Variants in KDM5A observed in about 807,000 individuals in gnomAD.
The protein encoded by KDM5A is lysine-specific demethylase 5A.
Under a neutral mutation model 193.5 loss-of-function variants are expected in KDM5A, and 42 were observed. That is an observed-to-expected ratio of 0.22 (90% CI 0.17 to 0.28). The LOEUF (loss-of-function observed/expected upper bound fraction) is 0.28, where lower values mean the gene tolerates loss of function less well. KDM5A is among the 10% of genes least tolerant of loss of function. The probability of loss-of-function intolerance (pLI) is 1.00; values close to 1 mark genes in which losing one functional copy is unlikely to be tolerated. For synonymous variants in KDM5A, 796 were observed against 718.1 expected, an observed-to-expected ratio of 1.11 and a Z score of -1.73; for missense variants, 1,692 against 2,055.1, an observed-to-expected ratio of 0.82 and a Z score of 3.42.
chr12:295,692 C>G lies in KDM5A; in HGVS notation c.4336G>C (p.Glu1446Gln), dbSNP rs112579803. 2,009 of 1,614,120 alleles carry G rather than the reference C, an allele frequency of 1.2e-3. 28 individuals carry two copies. In the African/African-American group the frequency reaches 0.024, roughly 20 times the overall value. Residue 1446 changes from glutamate to glutamine, a missense_variant, in exon 26 of 28, where the codon GAA (glutamate) becomes CAA (glutamine). Physicochemically the swap from Glu to Gln is conservative, Grantham distance 29. Coordinates refer to ENST00000399788, the MANE Select transcript of KDM5A (RefSeq NM_001042603.3). Reference sequence around the variant, plus strand: ...AGATCTCCAACCATCATAAGTTCTTCCAGTTGTGCCTTAGCTCCAGGTGAC... The same window carrying G: ...AGATCTCCAACCATCATAAGTTCTTGCAGTTGTGCCTTAGCTCCAGGTGAC... ...ELSPGAKAQL[E>Q]ELMMVGDLLE...
intron 20 of KDM5A, among the ~76,000 whole-genome samples, chr12:312,807 G>A (rs1445809096): frequency 1.3e-5 from 2 of 152,118 alleles, no homozygotes; most frequent in African/African-American, 2.4e-5. Context: ...GCTGCTGCCC[G>A]GCATTGTGAG....
At chr12:347,837 C>A (rs1190283264) in intron 10 of KDM5A, among the ~76,000 whole-genome samples, 3 of 152,162 alleles carry the variant, frequency 2.0e-5, no homozygotes, top group Admixed American at 2.0e-4. Context: ...CAATACCATT[C>A]AGGACACAGG....
rs777173287 is a variant in KDM5A, at chr12:318,297, C to T, written c.2706G>A (p.Arg902=). The stretch of plus-strand genomic sequence containing the variant: ...AGGTCAGTCTTACTTCGTCCAACCA[C>T]CGAGCCTGTTGTAGCTCTTGCTTCA... The part of the protein sequence containing the change: ...PRLKQELQQA[R]WLDEVRLTLS... Residue 902 remains arginine, a synonymous_variant, in exon 19 of 28, where the codon CGG becomes CGA. Coordinates refer to ENST00000399788, the MANE Select transcript of KDM5A (RefSeq NM_001042603.3). The T allele has an allele frequency of 2.5e-6, 4 of 1,614,196 alleles. No homozygotes were observed. In the South Asian group the frequency reaches 4.4e-5, roughly 18 times the overall value.
intron 13 of KDM5A, among the ~76,000 whole-genome samples, chr12:329,435 A>G (rs1467533808): frequency 1.3e-5 from 2 of 152,070 alleles, no homozygotes; most frequent in Non-Finnish European, 2.9e-5. Flanking sequence ...GTTAAGTGGA[A>G]GTATTCAGCA....
intron 5 of KDM5A, 113 bp from the exon 6 acceptor site, chr12:356,650 TTTC>T (rs767542131): frequency 5.6e-5 from 41 of 733,486 alleles, no homozygotes; most frequent in Middle Eastern, 2.4e-4. Context: ...AATTATTGGA[TTTC>T]TTTTCTGTAA....
At chr12:388,513 C>G (rs959941311) in intron 1 of KDM5A, 1 of 360,490 alleles carries the variant, frequency 2.8e-6, no homozygotes, top group African/African-American at 2.1e-5. Flanking sequence ...TTTTCAGAAA[C>G]CCTAGCCCTG....
intron 22 of KDM5A, among the ~76,000 whole-genome samples, chr12:308,885 T>G (rs16929365): frequency 0.017 from 2,648 of 152,284 alleles, 76 homozygotes; most frequent in African/African-American, 0.06. Context: ...CTTAACACAT[T>G]CCTCCTATCC....
intron 17 of KDM5A, among the ~76,000 whole-genome samples, chr12:322,088 G>C (rs1943724275): frequency 6.6e-6 from 1 of 152,140 alleles, no homozygotes; most frequent in African/African-American, 2.4e-5. Flanking sequence ...AGTGACATTT[G>C]AAAACAAAGG....
intron 3 of KDM5A, among the ~76,000 whole-genome samples, chr12:381,701 T>C (rs1327300243): frequency 6.6e-6 from 1 of 152,140 alleles, no homozygotes; most frequent in Non-Finnish European, 1.5e-5. Flanking sequence ...TTAAAAAAAG[T>C]CTCAAGCTGT....
At chr12:375,903 C>T (rs761968752) in intron 3 of KDM5A, among the ~76,000 whole-genome samples, 6 of 152,174 alleles carry the variant, frequency 3.9e-5, no homozygotes, top group South Asian at 2.1e-4. Flanking sequence ...CGAATGTTGC[C>T]GAACAGCAAA....
At chr12:303,075 C>A (rs1441392637) in intron 24 of KDM5A, among the ~76,000 whole-genome samples, 1 of 152,092 alleles carries the variant, frequency 6.6e-6, no homozygotes, top group Non-Finnish European at 1.5e-5. Context: ...GTGGGAGTGT[C>A]AATTAGTTCA....
chr12:289,623 G>A (rs944963867), intron 27 of KDM5A, among the ~76,000 whole-genome samples: 24 of 150,754 alleles, frequency 1.6e-4, no homozygotes, highest in African/African-American at 4.9e-4. Context: ...GCTGTGGCAG[G>A]AGGACTGCTG....
At chr12:320,250 A>C (rs1943699870) in intron 18 of KDM5A, among the ~76,000 whole-genome samples, 1 of 152,174 alleles carries the variant, frequency 6.6e-6, no homozygotes, top group African/African-American at 2.4e-5. Context: ...TAATCCCAGC[A>C]CTTTGGGAGG....
chr12:336,105 T>A (rs1044270625), intron 10 of KDM5A, among the ~76,000 whole-genome samples: 5 of 143,144 alleles, frequency 3.5e-5, no homozygotes, highest in African/African-American at 1.3e-4. Flanking sequence ...ATGCCTGTAA[T>A]CTCAGCACTT....
chr12:358,881 G>A (rs185285630), intron 5 of KDM5A, among the ~76,000 whole-genome samples: 4 of 152,014 alleles, frequency 2.6e-5, no homozygotes, highest in African/African-American at 4.8e-5. Flanking sequence ...CTGAGGCAGG[G>A]AACTGCTTGA....
At chr12:386,821 T>G (rs1944642804) in intron 1 of KDM5A, among the ~76,000 whole-genome samples, 1 of 152,162 alleles carries the variant, frequency 6.6e-6, no homozygotes, top group Non-Finnish European at 1.5e-5. Flanking sequence ...CCTCCCACAA[T>G]TATGCTTTCC....
chr12:319,336 G>A (rs1340360777), intron 18 of KDM5A, among the ~76,000 whole-genome samples: 1 of 152,212 alleles, frequency 6.6e-6, no homozygotes, highest in Admixed American at 6.5e-5. Flanking sequence ...CATAGTTTAG[G>A]CAACGGAGAG....
intron 24 of KDM5A, among the ~76,000 whole-genome samples, chr12:299,940 A>C (rs1329829867): frequency 1.4e-5 from 2 of 140,800 alleles, no homozygotes; most frequent in African/African-American, 5.5e-5. Context: ...ATCAGAGACA[A>C]GGCCATTACA....
chr12:345,107 C>T (rs4980886), intron 10 of KDM5A, among the ~76,000 whole-genome samples: 4 of 151,488 alleles, frequency 2.6e-5, no homozygotes, highest in South Asian at 4.2e-4. Flanking sequence ...AAAAAAAGCA[C>T]GGGTTGCAAT....
Sources: gnomAD v4.1 joint callset for allele counts (sites outside exome capture counted in the v4.1 genomes callset) on GRCh38, gnomAD v4.1.1 for gene constraint, MANE v1.5 for transcripts, NCBI Gene and HGNC (gene_info 2026-07-23, HGNC 2026-07-21) for gene names.